Variants in PPP4R4 observed in about 807,000 individuals in gnomAD.
PPP4R4 encodes protein phosphatase 4 regulatory subunit 4.
Under a neutral mutation model 121.8 loss-of-function variants are expected in PPP4R4, and 70 were observed. That is an observed-to-expected ratio of 0.57 (90% CI 0.47 to 0.70). The LOEUF (loss-of-function observed/expected upper bound fraction) is 0.70. Among genes scored for constraint, PPP4R4 ranks in the 30% least tolerant of loss-of-function variants. The pLI, the probability that PPP4R4 is intolerant of heterozygous loss-of-function variation, is 0.00. For synonymous variants in PPP4R4, 348 were observed against 355.7 expected (o/e 0.98, Z 0.24); for missense variants, 875 against 1,033.6 (o/e 0.85, Z 2.10).
intron 1 of PPP4R4, 73 bp downstream of exon 1, chr14:94,174,655 GC>G: frequency 6.4e-7 from 1 of 1,562,582 alleles, no homozygotes; most frequent in Non-Finnish European, 8.7e-7. Flanking sequence ...GCTGATCTCT[GC>G]CCCACGCCAC....
intron 24 of PPP4R4, among the ~76,000 whole-genome samples, chr14:94,277,908 T>C (rs535119705): frequency 1.0e-3 from 156 of 152,354 alleles, no homozygotes; most frequent in Non-Finnish European, 1.7e-3. Flanking sequence ...ATATCCACAG[T>C]TGCTTTTTTA....
chr14:94,269,440 CTGAGGTGGGCAGATCA>C (rs1177870101), intron 23 of PPP4R4, among the ~76,000 whole-genome samples: 6 of 151,784 alleles, frequency 4.0e-5, no homozygotes, highest in Non-Finnish European at 8.8e-5. Flanking sequence ...CCTTGGGAGG[CTGAGGTGGGCAGATCA>C]TGAGGTCAGG....
chr14:94,176,234 C>A, intron 2 of PPP4R4, 107 bp downstream of exon 2: 1 of 929,274 alleles, frequency 1.1e-6, no homozygotes. Context: ...TACTTAGCCA[C>A]TTGAACAGAG....
At chr14:94,259,572 G>A (rs1282724702) in intron 19 of PPP4R4, among the ~76,000 whole-genome samples, 1 of 152,018 alleles carries the variant, frequency 6.6e-6, no homozygotes, top group Non-Finnish European at 1.5e-5. Context: ...AAACTACTTT[G>A]CTGAAGTATA....
chr14:94,202,994 A>AAT (rs946708718), intron 2 of PPP4R4, among the ~76,000 whole-genome samples: 7 of 151,780 alleles, frequency 4.6e-5, no homozygotes, highest in Admixed American at 2.6e-4. Flanking sequence ...AAAAAAAAAA[A>AAT]ATCTTTTTAT....
intron 2 of PPP4R4, among the ~76,000 whole-genome samples, chr14:94,199,354 T>C (rs1243128): frequency 0.76 from 116,292 of 152,118 alleles, 45,305 homozygotes; most frequent in Admixed American, 0.84. Context: ...AGCATGCAGA[T>C]GGGCAGGTTG....
chr14:94,205,555 G>GT (rs1219970875), intron 2 of PPP4R4, among the ~76,000 whole-genome samples: 1 of 150,780 alleles, frequency 6.6e-6, no homozygotes, highest in Non-Finnish European at 1.5e-5. Flanking sequence ...TCTTCTGCTT[G>GT]TATTGTGATT....
intron 18 of PPP4R4, 116 bp downstream of exon 18, chr14:94,258,940 C>T (rs1200219826): frequency 1.0e-5 from 10 of 993,970 alleles, no homozygotes; most frequent in Admixed American, 4.7e-5. Flanking sequence ...CACAGTTCCA[C>T]GTGGCTGGGG....
At chr14:94,236,108 G>C (rs1171419169) in intron 7 of PPP4R4, among the ~76,000 whole-genome samples, 1 of 152,178 alleles carries the variant, frequency 6.6e-6, no homozygotes, top group Admixed American at 6.5e-5. Context: ...ACTCTGTCCT[G>C]TGTCCACTGT....
At chr14:94,269,285 G>A (rs959845128) in intron 23 of PPP4R4, among the ~76,000 whole-genome samples, 3 of 152,102 alleles carry the variant, frequency 2.0e-5, no homozygotes, top group African/African-American at 4.8e-5. Context: ...TCACAGTACC[G>A]GTCATAAACA....
At chr14:94,258,655 C>T in intron 17 of PPP4R4, 128 bp from the exon 18 acceptor site, 1 of 672,872 alleles carries the variant, frequency 1.5e-6, no homozygotes, top group Non-Finnish European at 2.6e-6. Flanking sequence ...CTTTAGTTTT[C>T]TGACTTAGTC....
chr14:94,207,217 A>G (rs1017841096), intron 2 of PPP4R4, among the ~76,000 whole-genome samples: 1 of 151,908 alleles, frequency 6.6e-6, no homozygotes, highest in Admixed American at 6.6e-5. Flanking sequence ...TACAAATAGT[A>G]TTTTTCTGTG....
intron 2 of PPP4R4, among the ~76,000 whole-genome samples, chr14:94,193,251 G>A (rs1415791102): frequency 2.6e-5 from 4 of 152,024 alleles, no homozygotes; most frequent in Non-Finnish European, 4.4e-5. Context: ...AGCAGGAGTG[G>A]GATAGGAAAA....
intron 19 of PPP4R4, among the ~76,000 whole-genome samples, chr14:94,262,684 T>A (rs1304575485): frequency 6.6e-6 from 1 of 152,068 alleles, no homozygotes. Flanking sequence ...CTTTTACATT[T>A]ACTCAGATCT....
At chr14:94,244,884 A>T (rs1892809739) in intron 12 of PPP4R4, among the ~76,000 whole-genome samples, 172 bp downstream of exon 12, 1 of 152,158 alleles carries the variant, frequency 6.6e-6, no homozygotes, top group Admixed American at 6.5e-5. Context: ...AAGATAGTTT[A>T]AAAAATAAGG....
At chr14:94,270,543 G>T (rs1202142849) in intron 23 of PPP4R4, among the ~76,000 whole-genome samples, 1 of 152,180 alleles carries the variant, frequency 6.6e-6, no homozygotes, top group Non-Finnish European at 1.5e-5. Context: ...ATAGTCAGTA[G>T]ATTTTAACAA....
chr14:94,256,453 A>C lies in PPP4R4; in HGVS notation c.1866-7A>C. On this transcript the variant is annotated splice_region_variant and splice_polypyrimidine_tract_variant and intron_variant, in intron 16 of 24. Coordinates refer to ENST00000304338, the MANE Select transcript of PPP4R4 (RefSeq NM_058237.2). ...TTCACTCAAGAGTAAATACTATTTTATTGTAGAATGAAACTTTGCTACCTG... is the reference window on the plus strand; with the variant it reads ...TTCACTCAAGAGTAAATACTATTTTCTTGTAGAATGAAACTTTGCTACCTG... The C allele has an allele frequency of 6.4e-7, 1 of 1,572,206 alleles. No individual in the cohort carries two copies. The highest frequency in any genetic ancestry group is 8.7e-7 in the Non-Finnish European group (1 of 1,152,086).
At chr14:94,183,665 G>A (rs1889109226) in intron 2 of PPP4R4, among the ~76,000 whole-genome samples, 1 of 152,124 alleles carries the variant, frequency 6.6e-6, no homozygotes, top group Non-Finnish European at 1.5e-5. Context: ...TATAGGAAAA[G>A]CTTGAAAATA....
At chr14:94,220,180 C>A (rs1566666715) in intron 3 of PPP4R4, among the ~76,000 whole-genome samples, 1 of 152,128 alleles carries the variant, frequency 6.6e-6, no homozygotes, top group Non-Finnish European at 1.5e-5. Context: ...GAGATTGTGC[C>A]ACTGTATTCC....
Sources: allele counts gnomAD v4.1 joint callset (sites outside exome capture counted in the v4.1 genomes callset), GRCh38; gene constraint gnomAD v4.1.1; transcripts MANE v1.5; gene names NCBI Gene and HGNC (gene_info 2026-07-23, HGNC 2026-07-21).